The following ADAMTS18 variants were observed in gnomAD, a reference collection of about 807,000 sequenced individuals.
ADAMTS18 encodes A disintegrin and metalloproteinase with thrombospondin motifs 18.
Under a neutral mutation model 165.9 loss-of-function variants are expected in ADAMTS18, and 157 were observed. That is an observed-to-expected ratio of 0.95 (90% CI 0.83 to 1.08). ADAMTS18 has a LOEUF of 1.08. ADAMTS18 is among the 50% of genes least tolerant of loss of function. ADAMTS18 has a pLI of 0.00. For missense variants in ADAMTS18, 2,040 were observed against 1,534.0 expected (o/e 1.33, Z -5.51); for synonymous variants, 782 against 578.2 (o/e 1.35, Z -5.06).
intron 3 of ADAMTS18, among the ~76,000 whole-genome samples, chr16:77,373,465 GAA>G (rs371326389): frequency 9.0e-5 from 7 of 78,198 alleles, no homozygotes; most frequent in South Asian, 7.6e-4. Flanking sequence ...CCTCAAAAAA[GAA>G]AAAAAAAAAA....
Position 77,284,011 on chromosome 16 carries a change from C to T in ADAMTS18, c.3611G>A (p.Cys1204Tyr). ...TTGTTTTCCGTAAAACTTGTGGTTG[C>T]AGACACCATGCTGAGGAACTAGGTG... ...WCHLVPQHGV[C>Y]NHKFYGKQCC... is the part of the protein sequence containing the mutation. The change falls in exon 23 of 23, where the codon TGC (cysteine) becomes TAC (tyrosine). Residue 1204 changes from cysteine (C) to tyrosine (Y), a missense_variant. Transcript: ENST00000282849. 2 of 1,614,008 alleles carry T rather than the reference C, an allele frequency of 1.2e-6. No individual in the cohort carries two copies. The highest frequency in any genetic ancestry group is 1.7e-6 in the Non-Finnish European group (2 of 1,179,934).
intron 16 of ADAMTS18, among the ~76,000 whole-genome samples, chr16:77,316,036 T>A (rs1031815301): frequency 6.6e-6 from 1 of 152,162 alleles, no homozygotes; most frequent in Non-Finnish European, 1.5e-5. Context: ...CTCTCTCACA[T>A]CTTTCTCCCT....
At chr16:77,362,340 G>A (rs2144732563) in intron 6 of ADAMTS18, 76 bp from the exon 7 acceptor site, 1 of 1,504,400 alleles carries the variant, frequency 6.6e-7, no homozygotes, top group African/African-American at 1.4e-5. Flanking sequence ...ATTTGTACAG[G>A]CAAACACAGA....
intron 21 of ADAMTS18, 27 bp downstream of exon 21, chr16:77,291,239 A>G: frequency 6.2e-7 from 1 of 1,611,764 alleles, no homozygotes; most frequent in Admixed American, 1.7e-5. Context: ...ACTTGAATAG[A>G]CACCTCCTCA....
intron 11 of ADAMTS18, among the ~76,000 whole-genome samples, chr16:77,341,202 CT>C (rs996296330): frequency 6.6e-6 from 1 of 152,088 alleles, no homozygotes; most frequent in African/African-American, 2.4e-5. Flanking sequence ...GCAAAAGGAC[CT>C]TAGGTACACA....
At chr16:77,352,184 T>G (rs1302343328) in intron 10 of ADAMTS18, among the ~76,000 whole-genome samples, 2 of 152,220 alleles carry the variant, frequency 1.3e-5, no homozygotes, top group Non-Finnish European at 2.9e-5. Context: ...TGTAATCCCA[T>G]CTCAAACCTA....
chr16:77,413,807 G>GAAAA (rs34499809), intron 3 of ADAMTS18, among the ~76,000 whole-genome samples: 21,685 of 123,608 alleles, frequency 0.18, 2,687 homozygotes, highest in Non-Finnish European at 0.23. Context: ...GTTTCCATCT[G>GAAAA]AAAAAAAAAA....
At chr16:77,390,438 T>C (rs1021902214) in intron 3 of ADAMTS18, among the ~76,000 whole-genome samples, 5 of 152,078 alleles carry the variant, frequency 3.3e-5, no homozygotes, top group Admixed American at 3.3e-4. Flanking sequence ...ACATCTGTAA[T>C]CCCAGTACTT....
chr16:77,312,373 G>C (rs537415381), intron 16 of ADAMTS18, among the ~76,000 whole-genome samples: 236 of 152,094 alleles, frequency 1.6e-3, no homozygotes, highest in Non-Finnish European at 3.0e-3. Context: ...CAGTACCTAG[G>C]ATTATAGGCG....
intron 16 of ADAMTS18, among the ~76,000 whole-genome samples, chr16:77,307,487 T>C (rs1422016779): frequency 6.6e-6 from 1 of 152,210 alleles, no homozygotes; most frequent in African/African-American, 2.4e-5. Context: ...GAACCTTGAC[T>C]ACAGTTCTAA....
Position 77,362,087 on chromosome 16 carries a change from G to C in ADAMTS18, c.1216+18C>G. ...TTTCAGCTAACAGGTGTGTGTGAAG[G>C]ATCTGTTCATACCATACCTAGAGTG... On this transcript the variant is annotated intron_variant, in intron 7 of 22. Coordinates refer to ENST00000282849, the MANE Select transcript of ADAMTS18 (RefSeq NM_199355.4). 1 of 1,613,666 alleles carries C rather than the reference G, an allele frequency of 6.2e-7. No homozygotes were observed. Among genetic ancestry groups the C allele is most frequent in the Non-Finnish European group, 8.5e-7 (1 of 1,179,828 alleles).
At chr16:77,318,288 A>G (rs1876933982) in intron 16 of ADAMTS18, among the ~76,000 whole-genome samples, 1 of 152,090 alleles carries the variant, frequency 6.6e-6, no homozygotes, top group Non-Finnish European at 1.5e-5. Flanking sequence ...TAGGCTTTGT[A>G]CCTCCCACAG....
At position 77,291,428 on chromosome 16, in the gene ADAMTS18, G is replaced by C. The variant is rs35478105; in HGVS notation, c.3240C>G (p.Ser1080Arg). Residue 1080 changes from serine to arginine, a missense_variant, in exon 21 of 23, where the codon AGC becomes AGG. Coordinates refer to ENST00000282849, the MANE Select transcript of ADAMTS18 (RefSeq NM_199355.4). Reference sequence around the variant, plus strand: ...TCAGCTTTCCCTGGAAGCCCTTCTCGCTGCACTTCATCTCCCTCTTCCTCA... The same window carrying C: ...TCAGCTTTCCCTGGAAGCCCTTCTCCCTGCACTTCATCTCCCTCTTCCTCA... The part of the protein sequence containing the change: ...LGVRKREMKC[S>R]EKGFQGKLIT... 1.2e-6 allele frequency: 2 copies of C among 1,613,892 alleles called. No homozygotes were observed. The highest frequency in any genetic ancestry group is 2.2e-5 in the South Asian group (2 of 91,070).
intron 3 of ADAMTS18, among the ~76,000 whole-genome samples, chr16:77,378,005 C>A (rs929013153): frequency 6.6e-6 from 1 of 152,008 alleles, no homozygotes; most frequent in Non-Finnish European, 1.5e-5. Context: ...TGAGGAAAAC[C>A]ATTGGTAAAA....
intron 3 of ADAMTS18, among the ~76,000 whole-genome samples, chr16:77,398,438 G>A (rs1782025941): frequency 1.3e-5 from 2 of 152,080 alleles, no homozygotes; most frequent in South Asian, 2.1e-4. Context: ...AGAAACGGAG[G>A]GCTTCCAGAA....
At chr16:77,307,098 C>T (rs897881686) in intron 16 of ADAMTS18, among the ~76,000 whole-genome samples, 4 of 152,204 alleles carry the variant, frequency 2.6e-5, no homozygotes, top group African/African-American at 9.7e-5. Flanking sequence ...TTTAAGAATA[C>T]TTGATCTCCT....
chr16:77,296,844 G>A (rs8050772), intron 18 of ADAMTS18, among the ~76,000 whole-genome samples: 1 of 152,074 alleles, frequency 6.6e-6, no homozygotes, highest in Non-Finnish European at 1.5e-5. Flanking sequence ...AAAAAAAAGA[G>A]GTCTTCATAT....
intron 4 of ADAMTS18, among the ~76,000 whole-genome samples, chr16:77,365,469 T>C (rs2056779546): frequency 6.6e-6 from 1 of 152,192 alleles, no homozygotes; most frequent in South Asian, 2.1e-4. Flanking sequence ...CAGTAAGAAC[T>C]CTTTGATGTG....
At chr16:77,304,612 TAAGACC>T (rs963031460) in intron 16 of ADAMTS18, among the ~76,000 whole-genome samples, 2 of 152,142 alleles carry the variant, frequency 1.3e-5, no homozygotes, top group African/African-American at 4.8e-5. Flanking sequence ...GAACTAAAGG[TAAGACC>T]AGCAATGATC....
Sources: allele counts gnomAD v4.1 joint callset (sites outside exome capture counted in the v4.1 genomes callset), GRCh38; gene constraint gnomAD v4.1.1; transcripts MANE v1.5; gene names NCBI Gene and HGNC (gene_info 2026-07-23, HGNC 2026-07-21).